FBN2: variants seen among roughly 807,000 people sequenced by gnomAD.
FBN2 encodes the protein fibrillin-2.
In FBN2, 105 loss-of-function variants were observed where a neutral mutation model predicts 355.6. That is an observed-to-expected ratio of 0.30 (90% CI 0.25 to 0.35). FBN2 has a LOEUF of 0.35. Ranked by LOEUF, FBN2 falls within the 10% of genes least tolerant of loss-of-function variation. The probability of loss-of-function intolerance (pLI) is 1.00; values close to 1 mark genes in which losing one functional copy is unlikely to be tolerated. For synonymous variants in FBN2, 1,350 were observed against 1,301.2 expected (o/e 1.04, Z -0.81); for missense variants, 3,280 against 3,758.7 (o/e 0.87, Z 3.33).
At chr5:128,412,137 C>A (rs1025343398) in intron 7 of FBN2, among the ~76,000 whole-genome samples, 17 of 152,192 alleles carry the variant, frequency 1.1e-4, no homozygotes, top group African/African-American at 4.1e-4. Context: ...CTTTGGTCTG[C>A]AAATATCAGA....
chr5:128,531,221 A>G (rs1561501451), intron 2 of FBN2, among the ~76,000 whole-genome samples: 1 of 152,114 alleles, frequency 6.6e-6, no homozygotes, highest in Non-Finnish European at 1.5e-5. Flanking sequence ...ATGGAATACT[A>G]TGCGGCCATA....
rs1750371695 is a variant in FBN2 at position 128,321,453 on chromosome 5, C to T, written c.4472-2452G>A. ...ATGCTATCCCTCCCCTAGCCCCTCA[C>T]CCTCCGACAGGCCCCAGTGTGTGAT... is the stretch of plus-strand genomic sequence containing the variant. On this transcript the variant is annotated intron_variant, in intron 34 of 64. Transcript: ENST00000262464. Among the ~76,000 whole-genome samples, 8 of 152,162 alleles carry T rather than the reference C, an allele frequency of 5.3e-5. No individual in the cohort carries two copies. In the South Asian group the frequency reaches 1.7e-3, roughly 32 times the overall value.
intron 6 of FBN2, among the ~76,000 whole-genome samples, chr5:128,451,956 A>AT (rs35691423): frequency 0.11 from 16,585 of 152,206 alleles, 1,069 homozygotes; most frequent in African/African-American, 0.17. Flanking sequence ...CCTAAAAAGT[A>AT]TTTTTTTAGA....
chr5:128,452,001 T>G (rs1463475258), intron 6 of FBN2, among the ~76,000 whole-genome samples: 1 of 152,210 alleles, frequency 6.6e-6, no homozygotes, highest in Non-Finnish European at 1.5e-5. Flanking sequence ...TCTCCTAGGC[T>G]CTGCAGTTAT....
intron 5 of FBN2, among the ~76,000 whole-genome samples, chr5:128,477,680 T>A (rs1288324911): frequency 6.6e-6 from 1 of 152,170 alleles, no homozygotes; most frequent in African/African-American, 2.4e-5. Context: ...TAAATAAAAT[T>A]GTTCAAAGTC....
intron 7 of FBN2, among the ~76,000 whole-genome samples, chr5:128,426,468 T>G (rs1192861975): frequency 6.6e-6 from 1 of 152,116 alleles, no homozygotes; most frequent in Non-Finnish European, 1.5e-5. Context: ...GGTAAATGGG[T>G]ATTTGAAACT....
In FBN2 at chr5:128,307,212, TA is replaced by T. The variant is rs1335831748; in HGVS notation, c.5354-10del. On this transcript the variant is annotated splice_polypyrimidine_tract_variant and intron_variant, in intron 41 of 64. Transcript: ENST00000262464. ...TATGGTTTTAAAGTCAGCTTTAAAA[TA>T]TAAACAAAGCAATGCACTCTTAAAT... The T allele has an allele frequency of 2.6e-6, 4 of 1,560,580 alleles. No individual in the cohort carries two copies. The highest frequency in any genetic ancestry group is 3.5e-6 in the Non-Finnish European group (4 of 1,131,816).
At chr5:128,369,053 G>C in intron 16 of FBN2, 129 bp downstream of exon 16, 1 of 940,708 alleles carries the variant, frequency 1.1e-6, no homozygotes, top group Non-Finnish European at 1.7e-6. Context: ...TATCAATACA[G>C]GATTGGATTT....
At position 128,345,516 on chromosome 5, in the gene FBN2, A is replaced by G. The variant is rs984782865; in HGVS notation, c.3058T>C (p.Phe1020Leu). 3.1e-6 allele frequency: 5 copies of G among 1,614,156 alleles called. No homozygotes were observed. The highest frequency in any genetic ancestry group is 1.3e-5 in the African/African-American group (1 of 75,046). The change falls in exon 24 of 65, where the codon TTC becomes CTC. Residue 1020 changes from phenylalanine to leucine, a missense_variant. By Grantham distance (22) the Phe-to-Leu change is conservative. Coordinates refer to ENST00000262464, the MANE Select transcript of FBN2 (RefSeq NM_001999.4). The stretch of plus-strand genomic sequence containing the variant: ...GCACAGCAGCAGGCATCCATGCGGA[A>G]CTTTCCAGGAACGGGGTGGATGCAT... The part of the protein sequence containing the change: ...DECIHPVPGK[F>L]RMDACCCAVG...
chr5:128,319,088 C>A (rs1750295019), intron 34 of FBN2, 87 bp from the exon 35 acceptor site: 11 of 1,097,622 alleles, frequency 1.0e-5, no homozygotes, highest in Non-Finnish European at 1.5e-5. Context: ...CATTTTTCTG[C>A]CCCCTCAGAT....
At chr5:128,409,399 C>T (rs1753010103) in intron 7 of FBN2, among the ~76,000 whole-genome samples, 1 of 152,130 alleles carries the variant, frequency 6.6e-6, no homozygotes, top group Non-Finnish European at 1.5e-5. Flanking sequence ...TCCTATTGTA[C>T]CTCCCTACAT....
chr5:128,521,491 G>A (rs1756433387), intron 4 of FBN2, among the ~76,000 whole-genome samples: 1 of 152,230 alleles, frequency 6.6e-6, no homozygotes, highest in South Asian at 2.1e-4. Flanking sequence ...TAACAAACCT[G>A]CATGTCCTGT....
At position 128,305,178 on chromosome 5, in the gene FBN2, T is replaced by C. The variant is rs530648805; in HGVS notation, c.5675-96A>G. ...GTTTCTCTAATCTGCTATTAATTATTATAGGCAGGCTGAAAATGAACCATA... is the reference window on the plus strand; with the variant it reads ...GTTTCTCTAATCTGCTATTAATTATCATAGGCAGGCTGAAAATGAACCATA... On this transcript the variant is annotated intron_variant, in intron 44 of 64. Transcript: ENST00000262464. The C allele has an allele frequency of 4.7e-6, 5 of 1,062,604 alleles. No homozygotes were observed. In the South Asian group the frequency reaches 6.9e-5, roughly 15 times the overall value. The allele number at this position is 1,062,604 out of a possible 1,614,324, so 65.8% of individuals were successfully genotyped here. A position where few individuals can be genotyped will look rare whatever the true frequency, so the allele number is the denominator to read the frequency against.
At position 128,294,270 on chromosome 5, in the gene FBN2, C is replaced by T. The variant is rs796338725; in HGVS notation, c.6167-2616G>A. 6.4e-4 allele frequency among the ~76,000 whole-genome samples: 97 copies of T among 151,912 alleles called. 1 individual carries two copies. In the South Asian group the frequency reaches 0.02, roughly 31 times the overall value. ...CATTTGGGTTGGTTCCAAGTCTTTGCTATTGTGAATAATGCCGCAATAAAC... is the reference window on the plus strand; with the variant it reads ...CATTTGGGTTGGTTCCAAGTCTTTGTTATTGTGAATAATGCCGCAATAAAC... On this transcript the variant is annotated intron_variant, in intron 48 of 64. Coordinates refer to ENST00000262464, the MANE Select transcript of FBN2 (RefSeq NM_001999.4).
chr5:128,372,861 CA>C (rs2126952365), intron 15 of FBN2, among the ~76,000 whole-genome samples: 1 of 151,958 alleles, frequency 6.6e-6, no homozygotes, highest in East Asian at 1.9e-4. Flanking sequence ...TCCTGGGCTC[CA>C]GTGATCCGCC....
rs1023326948 is a variant in FBN2, at chr5:128,274,097, T to C, written c.7712-129A>G. The C allele has an allele frequency of 2.0e-5, 20 of 1,011,780 alleles. 1 individual carries two copies. The South Asian group carries it at 2.2e-4, about 11-fold the overall frequency. The allele number at this position is 1,011,780 out of a possible 1,614,324, so 62.7% of individuals were successfully genotyped here. A position where few individuals can be genotyped will look rare whatever the true frequency, so the allele number is the denominator to read the frequency against. Reference sequence around the variant, plus strand: ...GTGAAAATGGCATTTTGGGAAAATTTATACCAAAATTCACTGTCATATTAA... The same window carrying C: ...GTGAAAATGGCATTTTGGGAAAATTCATACCAAAATTCACTGTCATATTAA... On this transcript the variant is annotated intron_variant, in intron 60 of 64. Coordinates refer to ENST00000262464, the MANE Select transcript of FBN2 (RefSeq NM_001999.4).
chr5:128,438,252 C>G (rs1753828006), intron 7 of FBN2, among the ~76,000 whole-genome samples: 1 of 152,236 alleles, frequency 6.6e-6, no homozygotes, highest in Admixed American at 6.5e-5. Flanking sequence ...CTTAGCCTCC[C>G]AAAGTGCTGG....
chr5:128,258,191 C>T lies in FBN2; in HGVS notation c.*1264G>A, dbSNP rs1764866877. ...GAGGTTTGGTCACTGGTCCAGGAAA[C>T]AGGTTCTTGGGTTGAGAAGAATAAT... On this transcript the variant is annotated 3_prime_UTR_variant, in exon 65 of 65. Transcript: ENST00000262464. The T allele has an allele frequency of 6.6e-6, 1 of 152,562 alleles. No individual in the cohort carries two copies. Among genetic ancestry groups the T allele is most frequent in the Non-Finnish European group, 1.5e-5 (1 of 68,042 alleles). The allele number at this position is 152,562 out of a possible 1,614,324, so 9.5% of individuals were successfully genotyped here.
At chr5:128,501,632 T>G in intron 5 of FBN2, among the ~76,000 whole-genome samples, 1 of 152,270 alleles carries the variant, frequency 6.6e-6, no homozygotes, top group Middle Eastern at 3.4e-3. Flanking sequence ...AAGCTATTTG[T>G]TAATAAATAT....
Sources: gnomAD v4.1 joint callset for allele counts (sites outside exome capture counted in the v4.1 genomes callset) on GRCh38, gnomAD v4.1.1 for gene constraint, MANE v1.5 for transcripts, NCBI Gene and HGNC (gene_info 2026-07-23, HGNC 2026-07-21) for gene names.